The following STON2 variants were observed in gnomAD, a reference collection of about 807,000 sequenced individuals.
STON2 encodes stonin 2.
In STON2, 29 loss-of-function variants were observed where a neutral mutation model predicts 65.7. The observed-to-expected ratio is 0.44, with a 90% CI of 0.33 to 0.60. STON2 has a LOEUF of 0.60. STON2 is among the 20% of genes least tolerant of loss of function. The pLI, the probability that STON2 is intolerant of heterozygous loss-of-function variation, is 0.03. For missense variants in STON2, 1,054 were observed against 1,118.1 expected, an observed-to-expected ratio of 0.94 and a Z score of 0.82; for synonymous variants, 404 against 414.2, an observed-to-expected ratio of 0.98 and a Z score of 0.30.
chr14:81,276,795 T>A, intron 6 of STON2, 106 bp downstream of exon 6: 1 of 1,349,928 alleles, frequency 7.4e-7, no homozygotes, highest in Non-Finnish European at 1.0e-6. Flanking sequence ...CCATCACCAC[T>A]CCCATCACAC....
chr14:81,380,081 T>C (rs775213693), intron 3 of STON2, among the ~76,000 whole-genome samples: 1 of 152,184 alleles, frequency 6.6e-6, no homozygotes, highest in Non-Finnish European at 1.5e-5. Flanking sequence ...GGAAAAATAT[T>C]TGCAAACTAT....
chr14:81,407,903 A>G (rs1297921214), intron 2 of STON2, among the ~76,000 whole-genome samples: 1 of 152,240 alleles, frequency 6.6e-6, no homozygotes, highest in Non-Finnish European at 1.5e-5. Context: ...TATCTGTGTC[A>G]CAGTGGGCTA....
chr14:81,424,325 C>T (rs1901859699), intron 2 of STON2, among the ~76,000 whole-genome samples: 1 of 151,924 alleles, frequency 6.6e-6, no homozygotes, highest in South Asian at 2.1e-4. Flanking sequence ...ACACCTAAAA[C>T]CCCAGCTACT....
At chr14:81,319,056 G>A (rs1315156764) in intron 5 of STON2, among the ~76,000 whole-genome samples, 1 of 152,176 alleles carries the variant, frequency 6.6e-6, no homozygotes, top group Non-Finnish European at 1.5e-5. Flanking sequence ...CTGGTGCCAA[G>A]GGAAGGATGA....
intron 4 of STON2, among the ~76,000 whole-genome samples, chr14:81,347,014 G>C (rs1566920089): frequency 6.6e-6 from 1 of 151,508 alleles, no homozygotes; most frequent in Non-Finnish European, 1.5e-5. Context: ...CGAAAACAAG[G>C]ACAAACCAAA....
Position 81,278,050 on chromosome 14 carries a change from G to C in STON2, c.1432C>G (p.Arg478Gly). 6.2e-7 allele frequency: 1 copy of C among 1,614,216 alleles called. No homozygotes were observed. Among genetic ancestry groups the C allele is most frequent in the East Asian group, 2.2e-5 (1 of 44,882 alleles). ...ELDAHPPGSA[R>G]SQPRDGWPMM... is the part of the protein sequence containing the mutation. Reference sequence around the variant, plus strand: ...GGCCACCCGTCACGAGGCTGGGACCGTGCTGATCCAGGCGGGTGAGCATCT... The same window carrying C: ...GGCCACCCGTCACGAGGCTGGGACCCTGCTGATCCAGGCGGGTGAGCATCT... The change falls in exon 6 of 8, where the codon CGG (arginine) becomes GGG (glycine). Residue 478 changes from arginine (R) to glycine (G), a missense_variant. Physicochemically the swap from Arg to Gly is moderately radical, Grantham distance 125. Transcript: ENST00000614646.
intron 5 of STON2, among the ~76,000 whole-genome samples, chr14:81,308,814 ATATATATATATG>A (rs1198590299): frequency 0.042 from 426 of 10,092 alleles, 18 homozygotes; most frequent in Admixed American, 0.081. Flanking sequence ...ATATATATAT[ATATATATATATG>A]TGTGTGTGTG....
At chr14:81,416,768 G>C (rs966986189) in intron 2 of STON2, among the ~76,000 whole-genome samples, 5 of 152,194 alleles carry the variant, frequency 3.3e-5, no homozygotes, top group African/African-American at 1.2e-4. Flanking sequence ...TGGACCATAG[G>C]AAAACCATAT....
intron 2 of STON2, among the ~76,000 whole-genome samples, chr14:81,414,470 G>C (rs1901322730): frequency 1.3e-5 from 2 of 152,146 alleles, no homozygotes; most frequent in African/African-American, 4.8e-5. Flanking sequence ...GAAGATGGTA[G>C]AGTCCCAGAT....
chr14:81,349,753 T>C (rs1897953366), intron 4 of STON2, among the ~76,000 whole-genome samples: 1 of 152,130 alleles, frequency 6.6e-6, no homozygotes, highest in African/African-American at 2.4e-5. Flanking sequence ...AGGGTATCTG[T>C]TTATCAAAGG....
At chr14:81,379,979 AC>A (rs2140391689) in intron 3 of STON2, among the ~76,000 whole-genome samples, 1 of 152,334 alleles carries the variant, frequency 6.6e-6, no homozygotes, top group Non-Finnish European at 1.5e-5. Context: ...TTCAGTAAAA[AC>A]AAAAATTGAG....
At chr14:81,385,078 C>G (rs1056435177) in intron 3 of STON2, among the ~76,000 whole-genome samples, 6 of 152,174 alleles carry the variant, frequency 3.9e-5, no homozygotes, top group African/African-American at 4.8e-5. Context: ...GTGTCCAGCT[C>G]TCCCATAACT....
At chr14:81,397,850 T>C (rs1595442291) in intron 2 of STON2, among the ~76,000 whole-genome samples, 1 of 152,148 alleles carries the variant, frequency 6.6e-6, no homozygotes, top group East Asian at 1.9e-4. Context: ...TTATCCCTAC[T>C]GTACAGATAA....
intron 2 of STON2, among the ~76,000 whole-genome samples, chr14:81,426,360 G>A (rs967240073): frequency 6.6e-6 from 1 of 152,198 alleles, no homozygotes; most frequent in Non-Finnish European, 1.5e-5. Flanking sequence ...GAGCCAGCTT[G>A]AATTTCCCAG....
intron 4 of STON2, among the ~76,000 whole-genome samples, 61 bp from the exon 5 acceptor site, chr14:81,324,248 C>T (rs976309856): frequency 1.3e-5 from 2 of 152,204 alleles, no homozygotes; most frequent in African/African-American, 4.8e-5. Context: ...CCTTCTCTGG[C>T]GGGCAGACAC....
intron 5 of STON2, among the ~76,000 whole-genome samples, chr14:81,281,689 C>T (rs181312015): frequency 6.6e-6 from 1 of 152,290 alleles, no homozygotes; most frequent in East Asian, 1.9e-4. Flanking sequence ...GAAAAAAAGG[C>T]CTTTGTCCCT....
chr14:81,298,108 C>T (rs1417680659), intron 5 of STON2, among the ~76,000 whole-genome samples: 1 of 152,106 alleles, frequency 6.6e-6, no homozygotes, highest in Non-Finnish European at 1.5e-5. Context: ...AGAAAACATT[C>T]CTTCTATCAG....
At chr14:81,412,491 C>T (rs189134846) in intron 2 of STON2, among the ~76,000 whole-genome samples, 4 of 139,978 alleles carry the variant, frequency 2.9e-5, no homozygotes, top group Non-Finnish European at 6.0e-5. Context: ...AGTTACAAAA[C>T]GACAAATACT....
chr14:81,416,493 G>A (rs1028680306), intron 2 of STON2, among the ~76,000 whole-genome samples: 5 of 152,306 alleles, frequency 3.3e-5, no homozygotes, highest in South Asian at 2.1e-4. Flanking sequence ...AGAAGGTACC[G>A]GAGGCAGGGT....
Sources: gnomAD v4.1 joint callset for allele counts (sites outside exome capture counted in the v4.1 genomes callset) on GRCh38, gnomAD v4.1.1 for gene constraint, MANE v1.5 for transcripts, NCBI Gene and HGNC (gene_info 2026-07-23, HGNC 2026-07-21) for gene names.